ING4: variants seen among roughly 807,000 people sequenced by gnomAD.
The protein encoded by ING4 is inhibitor of growth family member 4.
A neutral mutation model predicts 33.1 loss-of-function variants in ING4; 28 were observed. The ratio of observed to expected loss-of-function variants is 0.85; its 90% CI spans 0.63 to 1.16. The LOEUF is 1.16. Ranked by LOEUF, ING4 falls within the 50% of genes most tolerant of loss-of-function variation. The pLI is 0.00. For missense variants in ING4, 247 were observed against 314.7 expected, an observed-to-expected ratio of 0.78 and a Z score of 1.63; for synonymous variants, 87 against 104.4, an observed-to-expected ratio of 0.83 and a Z score of 1.02.
chr12:6,657,357 G>A (rs1220639910), intron 1 of ING4, among the ~76,000 whole-genome samples: 1 of 152,092 alleles, frequency 6.6e-6, no homozygotes, highest in Non-Finnish European at 1.5e-5. Context: ...GCTGAGGCAG[G>A]AGAATGGCAT....
Position 6,652,924 on chromosome 12 carries a change from C to G in ING4, c.391+12G>C, listed in dbSNP as rs1592317651. On this transcript the variant is annotated intron_variant, in intron 4 of 7. Transcript: ENST00000341550. ...CCTCGCCCCACCTCTCACAGCCCCG[C>G]CCCCTCCTCACTCTTTTTGCCTTTG... is the stretch of plus-strand genomic sequence containing the variant. 3 of 1,605,824 alleles carry G rather than the reference C, an allele frequency of 1.9e-6. No individual in the cohort carries two copies. In the East Asian group the frequency reaches 6.7e-5, roughly 36 times the overall value.
chr12:6,653,159 A>G, intron 3 of ING4, 71 bp downstream of exon 3: 1 of 1,599,162 alleles, frequency 6.3e-7, no homozygotes, highest in Non-Finnish European at 8.6e-7. Context: ...ATCCCAACAC[A>G]GTTGAAGGAG....
intron 3 of ING4, 83 bp downstream of exon 3, chr12:6,653,147 A>G: frequency 6.3e-7 from 1 of 1,597,728 alleles, no homozygotes; most frequent in Non-Finnish European, 8.6e-7. Flanking sequence ...GACCCCAAAC[A>G]GATCCCAACA....
chr12:6,656,850 G>C (rs1413638632), intron 1 of ING4, 52 bp from the exon 2 acceptor site: 4 of 1,169,270 alleles, frequency 3.4e-6, no homozygotes, highest in Non-Finnish European at 4.9e-6. Flanking sequence ...AGGCCTTACA[G>C]CTCCTTTTAA....
At chr12:6,653,096 A>G (rs368139819) in intron 3 of ING4, 46 bp from the exon 4 acceptor site, 11 of 1,600,426 alleles carry the variant, frequency 6.9e-6, no homozygotes, top group Non-Finnish European at 9.4e-6. Flanking sequence ...ACTATCTCCA[A>G]TTAAAGAAAA....
chr12:6,653,334 A>C lies in ING4; in HGVS notation c.172T>G (p.Ser58Ala). 1 of 1,614,142 alleles carries C rather than the reference A, an allele frequency of 6.2e-7. No individual in the cohort carries two copies. Among genetic ancestry groups the C allele is most frequent in the Non-Finnish European group, 8.5e-7 (1 of 1,180,032 alleles). ...EYMSSARSLS[S>A]EEKLALLKQI... is the part of the protein sequence containing the mutation. ...TTGAGAAGGGCCAATTTTTCCTCGG[A>C]GCTCAGGCTGCGGGCACTACTCATA... Residue 58 changes from serine to alanine, a missense_variant, in exon 3 of 8, where the codon TCC becomes GCC. Around this residue, in one of 3 missense-constraint regions of ING4, gnomAD observed 198 missense variants for 221.2 expected, o/e 0.89. Transcript: ENST00000341550.
At chr12:6,655,671 A>G (rs559953875) in intron 2 of ING4, 4 of 1,048,544 alleles carry the variant, frequency 3.8e-6, no homozygotes, top group African/African-American at 1.7e-5. Context: ...AACTGTGTCC[A>G]GGGTTTTTGA....
chr12:6,653,518 GA>G, intron 2 of ING4, 122 bp from the exon 3 acceptor site: 1 of 936,712 alleles, frequency 1.1e-6, no homozygotes. Flanking sequence ...AAAAAGTACT[GA>G]ATGTTCAGAG....
At chr12:6,658,114 C>T (rs1198374450) in intron 1 of ING4, among the ~76,000 whole-genome samples, 1 of 151,472 alleles carries the variant, frequency 6.6e-6, no homozygotes, top group Non-Finnish European at 1.5e-5. Flanking sequence ...CGCGCGCCAC[C>T]ACACCCGACT....
intron 1 of ING4, among the ~76,000 whole-genome samples, chr12:6,661,405 T>G (rs1175365436): frequency 1.7e-4 from 23 of 134,962 alleles, no homozygotes; most frequent in African/African-American, 6.6e-4. Flanking sequence ...CACCAGCCTT[T>G]GTTTTTTTTT....
intron 1 of ING4, among the ~76,000 whole-genome samples, chr12:6,661,998 C>A (rs1949569982): frequency 6.6e-6 from 1 of 152,176 alleles, no homozygotes; most frequent in Non-Finnish European, 1.5e-5. Context: ...GCTTAAAAGA[C>A]CTTGTCCAAT....
chr12:6,659,941 C>T (rs1188155499), intron 1 of ING4, among the ~76,000 whole-genome samples: 1 of 151,822 alleles, frequency 6.6e-6, no homozygotes, highest in African/African-American at 2.4e-5. Flanking sequence ...AAGAGCAAGA[C>T]TGTTTCAAAA....
At chr12:6,654,475 G>A (rs79682518) in intron 2 of ING4, among the ~76,000 whole-genome samples, 4,881 of 151,544 alleles carry the variant, frequency 0.032, 92 homozygotes, top group Admixed American at 0.047. Flanking sequence ...TGGGACCACA[G>A]GCACATGCCA....
chr12:6,654,730 GT>G (rs1227310879), intron 2 of ING4, among the ~76,000 whole-genome samples: 3 of 151,624 alleles, frequency 2.0e-5, no homozygotes, highest in East Asian at 1.9e-4. Flanking sequence ...CTCCAAACAC[GT>G]TTTTTTGTTT....
intron 1 of ING4, among the ~76,000 whole-genome samples, chr12:6,661,406 G>GTTTTTT (rs1174675715): frequency 8.4e-5 from 10 of 118,614 alleles, no homozygotes; most frequent in African/African-American, 3.7e-4. Context: ...ACCAGCCTTT[G>GTTTTTT]TTTTTTTTTT....
At chr12:6,659,562 C>T (rs529778229) in intron 1 of ING4, among the ~76,000 whole-genome samples, 2 of 151,760 alleles carry the variant, frequency 1.3e-5, no homozygotes, top group Non-Finnish European at 2.9e-5. Context: ...CCTGTAATCC[C>T]GGCACTTTGG....
At chr12:6,659,293 T>C (rs4764503) in intron 1 of ING4, among the ~76,000 whole-genome samples, 5,730 of 151,644 alleles carry the variant, frequency 0.038, 394 homozygotes, top group African/African-American at 0.13. Context: ...CGGTGGCTCA[T>C]GCCTGTAATT....
Position 6,663,066 on chromosome 12 carries a change from G to A in ING4, c.36C>T (p.Asp12=), listed in dbSNP as rs1949610530. The A allele has an allele frequency of 6.2e-7, 1 of 1,613,986 alleles. No individual in the cohort carries two copies. The highest frequency in any genetic ancestry group is 8.5e-7 in the Non-Finnish European group (1 of 1,179,974). Residue 12 remains aspartate, a splice_region_variant and synonymous_variant, in exon 1 of 8, where the codon GAC becomes GAT. Coordinates refer to ENST00000341550, the MANE Select transcript of ING4 (RefSeq NM_016162.4). The part of the protein sequence containing the change: ...AAGMYLEHYL[D]SIENLPFELQ... ...CCCCCACCTCCAGCCTGCTCTTACTGTCCAGATAATGTTCCAAATACATCC... is the reference window on the plus strand; with the variant it reads ...CCCCCACCTCCAGCCTGCTCTTACTATCCAGATAATGTTCCAAATACATCC...
intron 1 of ING4, among the ~76,000 whole-genome samples, chr12:6,661,622 C>T (rs533163024): frequency 1.3e-3 from 201 of 151,164 alleles, no homozygotes; most frequent in Non-Finnish European, 2.3e-3. Flanking sequence ...GACTGGGCTT[C>T]ACCATGTTGG....
Sources: allele counts gnomAD v4.1 joint callset (sites outside exome capture counted in the v4.1 genomes callset), GRCh38; gene constraint gnomAD v4.1.1; regional missense constraint gnomAD v4.1.1; transcripts MANE v1.5; gene names NCBI Gene and HGNC (gene_info 2026-07-23, HGNC 2026-07-21).